The following SLC4A5 variants were observed in gnomAD, a reference collection of about 807,000 sequenced individuals.
The protein encoded by SLC4A5 is electrogenic sodium bicarbonate cotransporter 4.
In SLC4A5, 96 loss-of-function variants were observed where a neutral mutation model predicts 120.4. The ratio of observed to expected loss-of-function variants is 0.80; its 90% CI spans 0.68 to 0.94. SLC4A5 has a LOEUF of 0.94. Among genes scored for constraint, SLC4A5 ranks in the 40% least tolerant of loss-of-function variants. The pLI, the probability that SLC4A5 is intolerant of heterozygous loss-of-function variation, is 0.00. For missense variants in SLC4A5, 1,259 were observed against 1,459.5 expected (o/e 0.86, Z 2.24); for synonymous variants, 550 against 571.1 (o/e 0.96, Z 0.53).
At chr2:74,299,281 G>A (rs532112227) in intron 7 of SLC4A5, among the ~76,000 whole-genome samples, 9 of 152,318 alleles carry the variant, frequency 5.9e-5, no homozygotes, top group African/African-American at 1.9e-4. Flanking sequence ...AACCCGGGAG[G>A]CAGAGGTTGC....
At chr2:74,260,467 G>A (rs942574327) in intron 11 of SLC4A5, among the ~76,000 whole-genome samples, 19 of 152,130 alleles carry the variant, frequency 1.2e-4, no homozygotes, top group Admixed American at 9.2e-4. Flanking sequence ...GCCCAGGATG[G>A]ATCTTTAGTC....
chr2:74,314,164 C>T (rs3771739), intron 6 of SLC4A5, among the ~76,000 whole-genome samples: 2 of 152,276 alleles, frequency 1.3e-5, no homozygotes, highest in East Asian at 3.9e-4. Flanking sequence ...ATTGTCCCAT[C>T]TTTTCTTGGC....
At chr2:74,311,788 C>T (rs545005701) in intron 6 of SLC4A5, among the ~76,000 whole-genome samples, 13 of 152,040 alleles carry the variant, frequency 8.6e-5, no homozygotes, top group African/African-American at 1.9e-4. Context: ...TATTGTTGGA[C>T]GAAGTATTCT....
At chr2:74,242,426 T>C in intron 19 of SLC4A5, among the ~76,000 whole-genome samples, 1 of 152,250 alleles carries the variant, frequency 6.6e-6, no homozygotes. Context: ...GAACTTACTC[T>C]ATGCCATGCC....
exon 31 of SLC4A5, chr2:74,217,408 C>T (rs1459463225): frequency 6.6e-6 from 1 of 152,108 alleles, no homozygotes; most frequent in Non-Finnish European, 1.5e-5. Context: ...TTTTTATCTT[C>T]CCAAATAGTT....
At chr2:74,288,119 T>C (rs1293419203) in intron 7 of SLC4A5, among the ~76,000 whole-genome samples, 1 of 152,148 alleles carries the variant, frequency 6.6e-6, no homozygotes, top group Non-Finnish European at 1.5e-5. Context: ...TTTGAAAGTA[T>C]TGCTAAGATA....
chr2:74,220,240 G>A (rs1338058038), intron 30 of SLC4A5, among the ~76,000 whole-genome samples: 1 of 152,150 alleles, frequency 6.6e-6, no homozygotes, highest in African/African-American at 2.4e-5. Context: ...TTTTTCACGG[G>A]TGGCTTCTCA....
At chr2:74,298,481 A>AG (rs775095855) in intron 7 of SLC4A5, among the ~76,000 whole-genome samples, 5 of 152,258 alleles carry the variant, frequency 3.3e-5, no homozygotes, top group Non-Finnish European at 7.3e-5. Flanking sequence ...AAAGGAAAAC[A>AG]GGAGAAAAGT....
At chr2:74,219,660 C>T (rs1694562444) in intron 30 of SLC4A5, among the ~76,000 whole-genome samples, 1 of 152,102 alleles carries the variant, frequency 6.6e-6, no homozygotes, top group Non-Finnish European at 1.5e-5. Context: ...TTTTGGAAAC[C>T]CCTAACCTGG....
intron 7 of SLC4A5, among the ~76,000 whole-genome samples, chr2:74,301,387 C>T (rs961315630): frequency 6.6e-6 from 1 of 152,122 alleles, no homozygotes; most frequent in African/African-American, 2.4e-5. Context: ...ACCCTCAGGC[C>T]CAGACACATC....
intron 8 of SLC4A5, among the ~76,000 whole-genome samples, chr2:74,283,659 G>A (rs1671883387): frequency 6.6e-6 from 1 of 152,194 alleles, no homozygotes; most frequent in African/African-American, 2.4e-5. Flanking sequence ...CAGGCTCTGG[G>A]TGTCACAGTG....
intron 26 of SLC4A5, 41 bp from the exon 27 acceptor site, chr2:74,227,171 G>T (rs370536881): frequency 6.4e-7 from 1 of 1,559,162 alleles, no homozygotes; most frequent in Non-Finnish European, 8.7e-7. Context: ...GCCAGACCCC[G>T]AGGGCCCGCT....
At chr2:74,322,024 G>A (rs552414882) in intron 5 of SLC4A5, among the ~76,000 whole-genome samples, 1 of 151,906 alleles carries the variant, frequency 6.6e-6, no homozygotes, top group Admixed American at 6.6e-5. Flanking sequence ...TTTCTTGCAC[G>A]GACCTTGAGA....
At chr2:74,308,601 G>C (rs1404862729) in intron 6 of SLC4A5, among the ~76,000 whole-genome samples, 1 of 152,052 alleles carries the variant, frequency 6.6e-6, no homozygotes, top group African/African-American at 2.4e-5. Flanking sequence ...AGTTCTTTTG[G>C]TATTTTCAGA....
At chr2:74,276,881 C>A (rs1247345538) in intron 8 of SLC4A5, among the ~76,000 whole-genome samples, 1 of 151,846 alleles carries the variant, frequency 6.6e-6, no homozygotes, top group African/African-American at 2.4e-5. Context: ...TGGATGTGAA[C>A]ATGGAAGCTG....
intron 17 of SLC4A5, 123 bp downstream of exon 17, chr2:74,250,220 G>A (rs777451243): frequency 1.0e-4 from 89 of 858,068 alleles, no homozygotes; most frequent in Non-Finnish European, 1.4e-4. Context: ...ATTACAAATA[G>A]TGATGGCCTC....
At chr2:74,334,090 T>C (rs1673428382) in exon 4 of SLC4A5, 1 of 152,286 alleles carries the variant, frequency 6.6e-6, no homozygotes, top group Non-Finnish European at 1.5e-5. Flanking sequence ...TGGTACAATA[T>C]TGGCTGCCCC....
intron 4 of SLC4A5, among the ~76,000 whole-genome samples, chr2:74,331,427 G>C (rs1484207204): frequency 6.9e-6 from 1 of 145,074 alleles, no homozygotes; most frequent in Non-Finnish European, 1.5e-5. Flanking sequence ...TGTAGATGGA[G>C]GATGTGGAGG....
chr2:74,264,016 G>A (rs1239003250), intron 10 of SLC4A5, 131 bp downstream of exon 10: 8 of 1,206,256 alleles, frequency 6.6e-6, no homozygotes, highest in Non-Finnish European at 9.1e-6. Flanking sequence ...GCCAGAGAAG[G>A]AGGCTGAGGG....
Sources: allele counts gnomAD v4.1 joint callset (sites outside exome capture counted in the v4.1 genomes callset), GRCh38; gene constraint gnomAD v4.1.1; transcripts MANE v1.5; gene names NCBI Gene and HGNC (gene_info 2026-07-23, HGNC 2026-07-21).